BICC1: variants seen among roughly 807,000 people sequenced by gnomAD.
The protein encoded by BICC1 is BicC family RNA binding protein 1, also known as protein bicaudal C homolog 1.
Under a neutral mutation model 111.0 loss-of-function variants are expected in BICC1, and 43 were observed. The observed-to-expected ratio is 0.39, with a 90% CI of 0.30 to 0.50. The LOEUF (loss-of-function observed/expected upper bound fraction) is 0.50, where lower values mean the gene tolerates loss of function less well. Among genes scored for constraint, BICC1 ranks in the 20% least tolerant of loss-of-function variants. BICC1 has a pLI of 0.88. For synonymous variants in BICC1, 467 were observed against 434.4 expected (o/e 1.07, Z -0.93); for missense variants, 1,091 against 1,203.2 (o/e 0.91, Z 1.38).
At chr10:58,601,826 G>A (rs1052562597) in intron 1 of BICC1, among the ~76,000 whole-genome samples, 2 of 151,950 alleles carry the variant, frequency 1.3e-5, no homozygotes, top group Non-Finnish European at 2.9e-5. Context: ...ATTTAAAAAA[G>A]GATGGATTCA....
rs1307579150 is a variant in BICC1 at position 58,800,175 on chromosome 10, T to G, written c.1726-19T>G. The G allele has an allele frequency of 6.5e-7, 1 of 1,542,834 alleles. No individual in the cohort carries two copies. The highest frequency in any genetic ancestry group is 8.9e-7 in the Non-Finnish European group (1 of 1,126,570). On this transcript the variant is annotated intron_variant, in intron 12 of 20. Transcript: ENST00000373886. ...AAATTGTGACCATATTTATACATTA[T>G]TTTCTATTATTATTTTAGTCTCCAG...
chr10:58,686,328 T>C (rs1253043503), intron 2 of BICC1, among the ~76,000 whole-genome samples: 189 of 143,314 alleles, frequency 1.3e-3, no homozygotes, highest in South Asian at 4.4e-3. Context: ...TTGGTGAATC[T>C]GACAATTATG....
At chr10:58,776,652 TG>T (rs1385102207) in intron 3 of BICC1, among the ~76,000 whole-genome samples, 1 of 152,212 alleles carries the variant, frequency 6.6e-6, no homozygotes, top group African/African-American at 2.4e-5. Flanking sequence ...TGGGGTGTCT[TG>T]GCTTCGTCTC....
chr10:58,743,177 T>G (rs2132612904), intron 3 of BICC1, among the ~76,000 whole-genome samples: 2 of 152,312 alleles, frequency 1.3e-5, no homozygotes, highest in Middle Eastern at 6.8e-3. Context: ...AGCAGACATA[T>G]TTGGCTGGAA....
chr10:58,579,287 G>A (rs1473557254), intron 1 of BICC1, among the ~76,000 whole-genome samples: 1 of 152,190 alleles, frequency 6.6e-6, no homozygotes, highest in Non-Finnish European at 1.5e-5. Context: ...GCTCCTTGCT[G>A]GAGAGAAGAC....
In BICC1 at chr10:58,789,707, A is replaced by T; in HGVS notation, c.821A>T (p.His274Leu). The change falls in exon 8 of 21, where the codon CAT becomes CTT. Residue 274 changes from histidine to leucine, a missense_variant. Around this residue, in one of 3 missense-constraint regions of BICC1, gnomAD observed 843 missense variants for 900.8 expected, o/e 0.94. Transcript: ENST00000373886. ...VKEGTAMLLE[H>L]LAGSLASAIP... is the part of the protein sequence containing the mutation. ...GAAGGAACTGCCATGCTGTTAGAAC[A>T]TCTTGCTGGGAGCTTAGCATCAGCT... 6.2e-7 allele frequency: 1 copy of T among 1,614,194 alleles called. No homozygotes were observed. The highest frequency in any genetic ancestry group is 8.5e-7 in the Non-Finnish European group (1 of 1,180,034).
At position 58,796,545 on chromosome 10, in the gene BICC1, C is replaced by T. The variant is rs753663781; in HGVS notation, c.1366+19C>T. ...GGACTAGGTATACAATTTATTATTACAGCGCGTCTCAGTCACTGGGGAAAT... is the reference window on the plus strand; with the variant it reads ...GGACTAGGTATACAATTTATTATTATAGCGCGTCTCAGTCACTGGGGAAAT... On this transcript the variant is annotated intron_variant, in intron 10 of 20. Coordinates refer to ENST00000373886, the MANE Select transcript of BICC1 (RefSeq NM_001080512.3). The T allele has an allele frequency of 5.7e-6, 9 of 1,588,160 alleles. No homozygotes were observed. The highest frequency in any genetic ancestry group is 3.5e-5 in the Admixed American group (2 of 56,684).
At chr10:58,655,981 A>G (rs1053740282) in intron 2 of BICC1, among the ~76,000 whole-genome samples, 9 of 152,118 alleles carry the variant, frequency 5.9e-5, no homozygotes, top group South Asian at 2.1e-4. Context: ...AGAGAGAAGA[A>G]TCAAATAGAC....
chr10:58,706,905 T>A (rs920928204), intron 3 of BICC1, among the ~76,000 whole-genome samples: 19 of 143,408 alleles, frequency 1.3e-4, no homozygotes, highest in Admixed American at 2.1e-4. Flanking sequence ...AGTAAAAAAA[T>A]GTTTAAAGTT....
intron 2 of BICC1, among the ~76,000 whole-genome samples, chr10:58,678,637 A>G (rs113598065): frequency 2.6e-5 from 4 of 152,260 alleles, no homozygotes; most frequent in African/African-American, 9.6e-5. Flanking sequence ...CGAGATAGAA[A>G]ATTAACAAGG....
At chr10:58,567,435 G>GAT (rs1167395862) in intron 1 of BICC1, among the ~76,000 whole-genome samples, 13 of 151,656 alleles carry the variant, frequency 8.6e-5, no homozygotes, top group Admixed American at 7.2e-4. Flanking sequence ...TCTTTTAGGG[G>GAT]ATATATATAT....
At chr10:58,652,324 C>T (rs1461986915) in intron 2 of BICC1, among the ~76,000 whole-genome samples, 1 of 152,052 alleles carries the variant, frequency 6.6e-6, no homozygotes, top group African/African-American at 2.4e-5. Flanking sequence ...TAGCGGTAGC[C>T]AAATTAATAT....
At chr10:58,732,745 G>A (rs1047065306) in intron 3 of BICC1, among the ~76,000 whole-genome samples, 3 of 151,956 alleles carry the variant, frequency 2.0e-5, no homozygotes, top group African/African-American at 7.3e-5. Flanking sequence ...TTGCACCACT[G>A]CATTCCAGCC....
Position 58,568,675 on chromosome 10 carries a change from A to G in BICC1, c.191-52180A>G, listed in dbSNP as rs149664555. Among the ~76,000 whole-genome samples, 232 of 152,270 alleles carry G rather than the reference A, an allele frequency of 1.5e-3. 3 individuals are homozygous for G. The highest frequency in any genetic ancestry group is 5.4e-3 in the African/African-American group (225 of 41,554). On this transcript the variant is annotated intron_variant, in intron 1 of 20. Coordinates refer to ENST00000373886, the MANE Select transcript of BICC1 (RefSeq NM_001080512.3). ...CCCCAAACATCCAGCCAGGGTTTTT[A>G]GGTAAGGATTGGTCTTTGTGTTCAG...
At chr10:58,776,607 T>C (rs908715845) in intron 3 of BICC1, among the ~76,000 whole-genome samples, 24 of 152,304 alleles carry the variant, frequency 1.6e-4, no homozygotes, top group African/African-American at 5.3e-4. Context: ...TTCCTCCTCT[T>C]CATCCTGGAT....
At chr10:58,743,793 A>T (rs199784827) in intron 3 of BICC1, among the ~76,000 whole-genome samples, 1 of 104,924 alleles carries the variant, frequency 9.5e-6, no homozygotes, top group African/African-American at 3.5e-5. Flanking sequence ...TTTTTTTTTT[A>T]AAGCAGATGG....
chr10:58,550,650 G>A (rs540268835), intron 1 of BICC1, among the ~76,000 whole-genome samples: 5 of 152,044 alleles, frequency 3.3e-5, no homozygotes, highest in African/African-American at 1.2e-4. Context: ...TTTTTTCTTG[G>A]TGTATGAATA....
chr10:58,601,140 T>TAATA (rs1554810885), intron 1 of BICC1, among the ~76,000 whole-genome samples: 3,695 of 100,590 alleles, frequency 0.037, 293 homozygotes, highest in Non-Finnish European at 0.05. Context: ...ATTTTAAAAC[T>TAATA]TATATATATA....
chr10:58,668,548 C>A (rs1230836214), intron 2 of BICC1, among the ~76,000 whole-genome samples: 1 of 152,092 alleles, frequency 6.6e-6, no homozygotes, highest in East Asian at 1.9e-4. Flanking sequence ...AAAGAACACA[C>A]ATTGCAAGGA....
Sources: allele counts gnomAD v4.1 joint callset (sites outside exome capture counted in the v4.1 genomes callset), GRCh38; gene constraint gnomAD v4.1.1; regional missense constraint gnomAD v4.1.1; transcripts MANE v1.5; gene names NCBI Gene and HGNC (gene_info 2026-07-23, HGNC 2026-07-21).